CLCN3: variants seen among roughly 807,000 people sequenced by gnomAD.
CLCN3 encodes the protein Cl-/H+ antiporter 3, also known as H(+)/Cl(-) exchange transporter 3.
A neutral mutation model predicts 83.4 loss-of-function variants in CLCN3; 16 were observed. The ratio of observed to expected loss-of-function variants is 0.19; its 90% CI spans 0.13 to 0.29. The LOEUF is 0.29. Ranked by LOEUF, CLCN3 falls within the 10% of genes least tolerant of loss-of-function variation. CLCN3 has a pLI of 1.00. For synonymous variants in CLCN3, 322 were observed against 346.2 expected, an observed-to-expected ratio of 0.93 and a Z score of 0.78; for missense variants, 544 against 1,006.0, an observed-to-expected ratio of 0.54 and a Z score of 6.21.
Position 169,720,154 on chromosome 4 carries a change from A to G in CLCN3, c.*157A>G. 9.1e-7 allele frequency: 1 copy of G among 1,093,930 alleles called. No individual in the cohort carries two copies. The highest frequency in any genetic ancestry group is 1.3e-6 in the Non-Finnish European group (1 of 754,476). 67.8% of individuals were successfully genotyped at this position (1,093,930 alleles called of 1,614,324 possible). A position where few individuals can be genotyped will look rare whatever the true frequency, so the allele number is the denominator to read the frequency against. On this transcript the variant is annotated 3_prime_UTR_variant, in exon 13 of 13. Transcript: ENST00000513761. ...GGTTTTTGCAACATGGTTTGCAAAT[A>G]ATGCTGGTGGAATGGAGGAGTTGTT...
intron 1 of CLCN3, among the ~76,000 whole-genome samples, chr4:169,626,082 G>C (rs919704243): frequency 1.3e-5 from 2 of 152,190 alleles, no homozygotes; most frequent in Admixed American, 1.3e-4. Context: ...TTTTGCCTGT[G>C]CTTCTGATAA....
chr4:169,642,134 A>G (rs767053205), intron 2 of CLCN3, among the ~76,000 whole-genome samples: 1 of 151,908 alleles, frequency 6.6e-6, no homozygotes, highest in Non-Finnish European at 1.5e-5. Context: ...GGATCTCACT[A>G]TGTTGACCAG....
Position 169,713,101 on chromosome 4 carries a change from A to C in CLCN3, c.2172A>C (p.Glu724Asp). ...CAGAAAGTGCCAGGAAAAAACAAGA[A>C]GGTATCGTTGGCAGTTCTCGGGTGT... ...IAIESARKKQ[E>D]GIVGSSRVCF... The change falls in exon 12 of 13, where the codon GAA (glutamate) becomes GAC (aspartate). Residue 724 changes from glutamate (E) to aspartate (D), a missense_variant. Glu to Asp is a conservative substitution (Grantham distance 45, BLOSUM62 2). Transcript: ENST00000513761. 1 of 1,614,072 alleles carries C rather than the reference A, an allele frequency of 6.2e-7. No individual in the cohort carries two copies. Among genetic ancestry groups the C allele is most frequent in the Non-Finnish European group, 8.5e-7 (1 of 1,179,956 alleles).
intron 12 of CLCN3, among the ~76,000 whole-genome samples, chr4:169,717,517 T>C (rs1032206703): frequency 8.5e-5 from 13 of 152,196 alleles, no homozygotes; most frequent in Non-Finnish European, 1.8e-4. Context: ...TTTGTAGTCA[T>C]CTTCATTCCA....
intron 9 of CLCN3, among the ~76,000 whole-genome samples, chr4:169,698,495 A>G (rs1732654495): frequency 6.6e-6 from 1 of 152,088 alleles, no homozygotes; most frequent in Admixed American, 6.6e-5. Flanking sequence ...ATTATAGCTC[A>G]GGATTCCCAA....
At chr4:169,632,545 G>A (rs1008436399) in intron 1 of CLCN3, among the ~76,000 whole-genome samples, 3 of 151,646 alleles carry the variant, frequency 2.0e-5, no homozygotes, top group Admixed American at 2.0e-4. Context: ...GTGAAACCCC[G>A]TCTCTACTAA....
chr4:169,693,275 A>G (rs140697137), intron 7 of CLCN3, among the ~76,000 whole-genome samples: 29 of 152,350 alleles, frequency 1.9e-4, no homozygotes, highest in African/African-American at 6.7e-4. Flanking sequence ...CCAAAAGTGG[A>G]ATACTTCAGA....
At chr4:169,668,426 G>A (rs756822451) in intron 2 of CLCN3, among the ~76,000 whole-genome samples, 16 of 152,044 alleles carry the variant, frequency 1.1e-4, no homozygotes, top group Non-Finnish European at 1.9e-4. Flanking sequence ...TACATAATTT[G>A]TCTCCAGTCC....
At chr4:169,668,043 ATTTTTTTTTTTTT>A (rs60739106) in intron 2 of CLCN3, among the ~76,000 whole-genome samples, 1 of 82,344 alleles carries the variant, frequency 1.2e-5, no homozygotes, top group African/African-American at 4.8e-5. Flanking sequence ...CCGGCCAGAC[ATTTTTTTTTTTTT>A]TTTTTTTTTT....
intron 6 of CLCN3, among the ~76,000 whole-genome samples, chr4:169,691,802 CT>C (rs1233317374): frequency 1.3e-5 from 2 of 151,900 alleles, no homozygotes; most frequent in African/African-American, 2.4e-5. Flanking sequence ...CAAATTTGCC[CT>C]TTTTTTGGTT....
chr4:169,621,987 T>C lies in CLCN3; in HGVS notation c.-17+924T>C, dbSNP rs1478256424. Among the ~76,000 whole-genome samples the C allele has an allele frequency of 8.5e-5, 13 of 152,330 alleles. No homozygotes were observed. The South Asian group carries it at 1.7e-3, about 19-fold the overall frequency. ...TTCTATAATATGGCTTTAAAAACCA[T>C]GTGTGTGACCTACAGATATTTTCTC... On this transcript the variant is annotated intron_variant, in intron 1 of 12. Coordinates refer to ENST00000513761, the MANE Select transcript of CLCN3 (RefSeq NM_001829.4).
At chr4:169,713,431 A>G (rs1733301824) in intron 12 of CLCN3, 136 bp downstream of exon 12, 2 of 633,642 alleles carry the variant, frequency 3.2e-6, no homozygotes, top group Non-Finnish European at 2.8e-6. Flanking sequence ...AGTCACAAAT[A>G]TAGGATCAGT....
At chr4:169,681,072 C>G (rs2013478) in intron 3 of CLCN3, among the ~76,000 whole-genome samples, 6 of 151,840 alleles carry the variant, frequency 4.0e-5, no homozygotes, top group South Asian at 4.2e-4. Flanking sequence ...GTCGGGGGAC[C>G]GTCGCCCATT....
At chr4:169,710,108 T>G in intron 11 of CLCN3, among the ~76,000 whole-genome samples, 2 of 152,302 alleles carry the variant, frequency 1.3e-5, no homozygotes, top group East Asian at 3.9e-4. Flanking sequence ...TTTTTAAATT[T>G]TATTTATTTT....
chr4:169,621,015 G>A lies in CLCN3; in HGVS notation c.-65G>A, dbSNP rs1773098769. ...GTTTGAAACAGATGCAGAATCCAAA[G>A]GCAGCGCAAAAAACAGCCACCGATT... is the stretch of plus-strand genomic sequence containing the variant. On this transcript the variant is annotated 5_prime_UTR_variant, in exon 1 of 13. Transcript: ENST00000513761. The A allele has an allele frequency of 2.5e-6, 1 of 397,878 alleles. No individual in the cohort carries two copies. Among genetic ancestry groups the A allele is most frequent in the Non-Finnish European group, 4.4e-6 (1 of 226,008 alleles). 24.6% of individuals were successfully genotyped at this position (397,878 alleles called of 1,614,324 possible).
intron 3 of CLCN3, among the ~76,000 whole-genome samples, chr4:169,684,975 ATTTTT>A (rs34668119): frequency 1.6e-5 from 2 of 127,964 alleles, no homozygotes; most frequent in African/African-American, 2.9e-5. Flanking sequence ...TGCCTGGCTA[ATTTTT>A]TTTTTTTTTT....
In CLCN3 at chr4:169,722,323, CT is replaced by C. The variant is rs1471904673; in HGVS notation, c.*2327del. On this transcript the variant is annotated 3_prime_UTR_variant, in exon 13 of 13. Transcript: ENST00000513761. The stretch of plus-strand genomic sequence containing the variant: ...TGGGAAACATTCTTAGCTGTGCTAT[CT>C]GCCTAAAATTATTCCTTATTACTTC... 1 of 152,230 alleles carries C rather than the reference CT, an allele frequency of 6.6e-6. No individual in the cohort carries two copies. The highest frequency in any genetic ancestry group is 1.5e-5 in the Non-Finnish European group (1 of 68,044). The allele number at this position is 152,230 out of a possible 1,614,324, so 9.4% of individuals were successfully genotyped here. A position where few individuals can be genotyped will look rare whatever the true frequency, so the allele number is the denominator to read the frequency against.
chr4:169,650,972 G>C (rs983997947), intron 2 of CLCN3, among the ~76,000 whole-genome samples: 2 of 152,112 alleles, frequency 1.3e-5, no homozygotes, highest in African/African-American at 4.8e-5. Flanking sequence ...TGTTACTAAT[G>C]AACTAGGAAA....
chr4:169,656,391 C>T (rs1389509633), intron 2 of CLCN3, among the ~76,000 whole-genome samples: 1 of 152,116 alleles, frequency 6.6e-6, no homozygotes, highest in Non-Finnish European at 1.5e-5. Context: ...GGAGGTGCTA[C>T]ACACTTTTAA....
Sources: gnomAD v4.1 joint callset for allele counts (sites outside exome capture counted in the v4.1 genomes callset) on GRCh38, gnomAD v4.1.1 for gene constraint, MANE v1.5 for transcripts, NCBI Gene and HGNC (gene_info 2026-07-23, HGNC 2026-07-21) for gene names.